Variants in RORA observed in about 807,000 individuals in gnomAD.
The protein encoded by RORA is RAR related orphan receptor A.
In RORA, 7 loss-of-function variants were observed where a neutral mutation model predicts 69.5. The observed-to-expected ratio is 0.10, with a 90% CI of 0.06 to 0.19. The LOEUF (loss-of-function observed/expected upper bound fraction) is 0.19. Among genes scored for constraint, RORA ranks in the 10% least tolerant of loss-of-function variants. The probability of loss-of-function intolerance (pLI) is 1.00; values close to 1 mark genes in which losing one functional copy is unlikely to be tolerated. For missense variants in RORA, 457 were observed against 663.0 expected (o/e 0.69, Z 3.41); for synonymous variants, 261 against 240.8 (o/e 1.08, Z -0.78).
At chr15:60,613,431 G>A (rs2069144946) in intron 2 of RORA, among the ~76,000 whole-genome samples, 1 of 152,130 alleles carries the variant, frequency 6.6e-6, no homozygotes, top group Admixed American at 6.5e-5. Flanking sequence ...GTCAGATCCA[G>A]CTTTGAATCT....
At chr15:60,580,518 T>C (rs2068161312) in intron 2 of RORA, among the ~76,000 whole-genome samples, 1 of 152,204 alleles carries the variant, frequency 6.6e-6, no homozygotes, top group South Asian at 2.1e-4. Flanking sequence ...CCCACACTGG[T>C]ATAGAATTCA....
intron 2 of RORA, among the ~76,000 whole-genome samples, chr15:60,642,497 A>G (rs1019465662): frequency 2.0e-5 from 3 of 152,174 alleles, no homozygotes; most frequent in African/African-American, 7.2e-5. Context: ...GGATGTTAAA[A>G]TTTCAGGCAA....
Position 61,061,766 on chromosome 15 carries a change from A to C in RORA, c.166+167287T>G, listed in dbSNP as rs1486985447. 1.3e-5 allele frequency among the ~76,000 whole-genome samples: 2 copies of C among 152,144 alleles called. No individual in the cohort carries two copies. Among genetic ancestry groups the C allele is most frequent in the African/African-American group, 2.4e-5 (1 of 41,430 alleles). ...ACCACTTTGCATATAGGAAGCACTCAATAAATGTTAGTAAGGCCGGGCACG... is the reference window on the plus strand; with the variant it reads ...ACCACTTTGCATATAGGAAGCACTCCATAAATGTTAGTAAGGCCGGGCACG... On this transcript the variant is annotated intron_variant, in intron 1 of 10. Transcript: ENST00000335670. This position sits in a 1 kb window ranked among gnomAD's most constrained non-coding sequence, Gnocchi z 4.4.
intron 1 of RORA, among the ~76,000 whole-genome samples, chr15:60,960,090 A>G (rs1893372994): frequency 6.6e-6 from 1 of 152,178 alleles, no homozygotes; most frequent in Non-Finnish European, 1.5e-5. Context: ...ATTGCCTGAA[A>G]CTAGGATATG....
chr15:60,742,598 T>C (rs919253774), intron 1 of RORA, among the ~76,000 whole-genome samples: 2 of 152,240 alleles, frequency 1.3e-5, no homozygotes, highest in Non-Finnish European at 2.9e-5. Context: ...TCCCGTCTAA[T>C]TGAAATTCTA....
intron 2 of RORA, among the ~76,000 whole-genome samples, chr15:60,598,191 A>G (rs2068739382): frequency 6.6e-6 from 1 of 152,186 alleles, no homozygotes; most frequent in Non-Finnish European, 1.5e-5. Flanking sequence ...CAGCCCTTAC[A>G]TTGTTACACA....
At chr15:61,185,391 T>C (rs199550598) in intron 1 of RORA, among the ~76,000 whole-genome samples, 1 of 151,558 alleles carries the variant, frequency 6.6e-6, no homozygotes, top group African/African-American at 2.4e-5. Flanking sequence ...AGGATCTCTA[T>C]ACGGCTACTC....
intron 1 of RORA, among the ~76,000 whole-genome samples, chr15:60,819,510 A>T (rs1020849027): frequency 1.1e-4 from 17 of 152,172 alleles, no homozygotes; most frequent in African/African-American, 4.1e-4. Context: ...TCAGTGATTC[A>T]ATCAGAAAAT....
At position 60,543,170 on chromosome 15, in the gene RORA, CTTTTTTTTTTTTTTTTTTTTTTTTTTTTT is replaced by C. The variant is rs200401959; in HGVS notation, c.197-11348_197-11320del. Among the ~76,000 whole-genome samples, 57 of 125,330 alleles carry C rather than the reference CTTTTTTTTTTTTTTTTTTTTTTTTTTTTT, an allele frequency of 4.5e-4. 1 individual carries two copies. Among genetic ancestry groups the C allele is most frequent in the East Asian group, 1.2e-3 (6 of 4,928 alleles). The allele number at this position is 125,330 out of a possible 152,430, so 82.2% of individuals were successfully genotyped here. ...TAGGAATTAAGGATGAAAGTGAAAA[CTTTTTTTTTTTTTTTTTTTTTTTTTTTTT>C]TTTTTTTTTTTTTAAGGAAAAAGGA... On this transcript the variant is annotated intron_variant, in intron 2 of 10. Coordinates refer to ENST00000335670, the MANE Select transcript of RORA (RefSeq NM_134261.3).
chr15:61,211,784 G>A (rs1231800783), intron 1 of RORA: 1 of 152,186 alleles, frequency 6.6e-6, no homozygotes, highest in African/African-American at 2.4e-5. Context: ...AAGGCAACAG[G>A]TCTTCATAAT....
intron 1 of RORA, among the ~76,000 whole-genome samples, chr15:61,178,692 T>C (rs1446562556): frequency 6.6e-6 from 1 of 152,140 alleles, no homozygotes; most frequent in African/African-American, 2.4e-5. Flanking sequence ...CAAAAAATCA[T>C]GCAATTCTTT....
intron 3 of RORA, among the ~76,000 whole-genome samples, chr15:60,519,301 G>A (rs1331962309): frequency 6.6e-6 from 1 of 152,100 alleles, no homozygotes; most frequent in Admixed American, 6.5e-5. Flanking sequence ...TATGTGGATT[G>A]TGTCATTCAC....
At chr15:60,978,961 CTTTTTTTTT>C (rs543353825) in intron 1 of RORA, among the ~76,000 whole-genome samples, 4 of 95,138 alleles carry the variant, frequency 4.2e-5, no homozygotes, top group Non-Finnish European at 5.8e-5. Flanking sequence ...CAACTTTGCT[CTTTTTTTTT>C]TTTTTTTTTG....
chr15:60,680,868 T>A (rs2070632380), intron 1 of RORA, among the ~76,000 whole-genome samples: 1 of 152,208 alleles, frequency 6.6e-6, no homozygotes, highest in Admixed American at 6.5e-5. Flanking sequence ...CACATTTTTA[T>A]GGAGAAAAGC....
chr15:60,817,897 C>T (rs7162518), intron 1 of RORA, among the ~76,000 whole-genome samples: 146,401 of 152,332 alleles, frequency 0.96, 70,616 homozygotes, highest in East Asian at 1. Context: ...TCAATATTCA[C>T]TGAATGAATA....
At chr15:60,532,183 C>T (rs546891163) in intron 2 of RORA, among the ~76,000 whole-genome samples, 2 of 152,274 alleles carry the variant, frequency 1.3e-5, no homozygotes, top group Admixed American at 6.5e-5. Context: ...AATGTTTCCT[C>T]CAATCTCATT....
intron 2 of RORA, among the ~76,000 whole-genome samples, chr15:60,575,700 A>C (rs1327866660): frequency 1.3e-5 from 2 of 152,236 alleles, no homozygotes; most frequent in Non-Finnish European, 2.9e-5. Context: ...GTTTTTTAAA[A>C]TAGTTTTCCA....
At chr15:60,648,899 T>C (rs80313728) in intron 2 of RORA, among the ~76,000 whole-genome samples, 1,548 of 152,236 alleles carry the variant, frequency 0.01, 34 homozygotes, top group East Asian at 0.083. Flanking sequence ...ATTCCAACAC[T>C]TAAACTGCTA....
chr15:60,995,452 T>C (rs1196057767), intron 1 of RORA, among the ~76,000 whole-genome samples: 3 of 152,194 alleles, frequency 2.0e-5, no homozygotes, highest in Non-Finnish European at 4.4e-5. Flanking sequence ...AGGCGTGACC[T>C]TGGAAGAAGC....
Sources: allele counts gnomAD v4.1 joint callset (sites outside exome capture counted in the v4.1 genomes callset), GRCh38; gene constraint gnomAD v4.1.1; non-coding constraint Gnocchi (gnomAD v3.1); transcripts MANE v1.5; gene names NCBI Gene and HGNC (gene_info 2026-07-23, HGNC 2026-07-21).